Variants in ATF6 observed in about 807,000 individuals in gnomAD.
ATF6 encodes activating transcription factor 6.
A neutral mutation model predicts 83.6 loss-of-function variants in ATF6; 53 were observed. That is an observed-to-expected ratio of 0.63 (90% CI 0.51 to 0.80). The LOEUF (loss-of-function observed/expected upper bound fraction) is 0.80, where lower values mean the gene tolerates loss of function less well. Ranked by LOEUF, ATF6 falls within the 30% of genes least tolerant of loss-of-function variation. ATF6 has a pLI of 0.00. For synonymous variants in ATF6, 288 were observed against 285.8 expected (o/e 1.01, Z -0.08); for missense variants, 744 against 797.9 (o/e 0.93, Z 0.81).
intron 15 of ATF6, among the ~76,000 whole-genome samples, chr1:161,949,282 G>A (rs906862536): frequency 6.6e-6 from 1 of 152,112 alleles, no homozygotes; most frequent in African/African-American, 2.4e-5. Flanking sequence ...CAAGGACTGG[G>A]GATTCAGTGG....
intron 11 of ATF6, 120 bp from the exon 12 acceptor site, chr1:161,853,104 G>A (rs545331110): frequency 4.5e-6 from 3 of 660,106 alleles, no homozygotes; most frequent in South Asian, 2.3e-5. Context: ...GAGTCATCAG[G>A]CACTTGGAAT....
chr1:161,773,140 ATT>A (rs759769528), intron 1 of ATF6, among the ~76,000 whole-genome samples: 1 of 130,044 alleles, frequency 7.7e-6, no homozygotes, highest in Non-Finnish European at 1.6e-5. Flanking sequence ...TACTTTTTGT[ATT>A]TTTTTTTTTT....
At chr1:161,800,222 G>A (rs982611612) in intron 6 of ATF6, among the ~76,000 whole-genome samples, 3 of 152,086 alleles carry the variant, frequency 2.0e-5, no homozygotes, top group African/African-American at 7.2e-5. Flanking sequence ...GGGTACTTTT[G>A]GATTTTAGAA....
chr1:161,912,551 A>T (rs1022589231), intron 15 of ATF6, among the ~76,000 whole-genome samples, 171 bp downstream of exon 15: 7 of 152,052 alleles, frequency 4.6e-5, no homozygotes, highest in African/African-American at 9.7e-5. Flanking sequence ...TTATTCTTTT[A>T]AAAAAAATTA....
intron 15 of ATF6, among the ~76,000 whole-genome samples, chr1:161,921,577 T>G (rs1479071234): frequency 6.6e-6 from 1 of 152,170 alleles, no homozygotes; most frequent in Non-Finnish European, 1.5e-5. Flanking sequence ...AAAAGCTGAT[T>G]CCATGATTTT....
chr1:161,912,282 T>C lies in ATF6; in HGVS notation c.1720-14T>C, dbSNP rs2101888651. On this transcript the variant is annotated splice_polypyrimidine_tract_variant and intron_variant, in intron 14 of 15. Transcript: ENST00000367942. ...AATTGTTATATATAACAGATTGTTC[T>C]TTGTTAATTTTAGGATCACCTGCTG... 4 of 1,593,358 alleles carry C rather than the reference T, an allele frequency of 2.5e-6. No individual in the cohort carries two copies. In the South Asian group the frequency reaches 4.5e-5, roughly 18 times the overall value.
At chr1:161,917,025 C>G (rs1331491832) in intron 15 of ATF6, among the ~76,000 whole-genome samples, 1 of 152,204 alleles carries the variant, frequency 6.6e-6, no homozygotes, top group African/African-American at 2.4e-5. Context: ...AGCTTCTCCT[C>G]TTCTGTCAGG....
chr1:161,782,925 C>T (rs1684670658), intron 3 of ATF6, among the ~76,000 whole-genome samples: 1 of 152,232 alleles, frequency 6.6e-6, no homozygotes, highest in South Asian at 2.1e-4. Flanking sequence ...CTTGTCTCTG[C>T]TCCATGATGT....
At chr1:161,947,297 G>A (rs1688765968) in intron 15 of ATF6, among the ~76,000 whole-genome samples, 1 of 152,200 alleles carries the variant, frequency 6.6e-6, no homozygotes. Context: ...AAACACCAAT[G>A]TAAGGGAGAT....
At position 161,828,706 on chromosome 1, in the gene ATF6, A is replaced by C. The variant is rs145453597; in HGVS notation, c.1187+7545A>C. ...TGATAATTCTTTACTCAAAGCCCCT[A>C]CCTAATCAGGTTAGAGCCTAAATTT... On this transcript the variant is annotated intron_variant, in intron 9 of 15. Transcript: ENST00000367942. 9.2e-5 allele frequency among the ~76,000 whole-genome samples: 14 copies of C among 152,310 alleles called. No individual in the cohort carries two copies. The East Asian group carries it at 2.7e-3, about 29-fold the overall frequency.
intron 13 of ATF6, among the ~76,000 whole-genome samples, chr1:161,862,218 G>A (rs1686901282): frequency 6.6e-6 from 1 of 152,068 alleles, no homozygotes; most frequent in Admixed American, 6.5e-5. Flanking sequence ...TCAAAATATT[G>A]TAATCAGAAA....
At chr1:161,927,595 T>A (rs895394024) in intron 15 of ATF6, among the ~76,000 whole-genome samples, 3 of 152,218 alleles carry the variant, frequency 2.0e-5, no homozygotes, top group African/African-American at 4.8e-5. Flanking sequence ...AAAGACCAAC[T>A]CATCCTGTCA....
chr1:161,944,534 T>C (rs118050539), intron 15 of ATF6, among the ~76,000 whole-genome samples: 1 of 152,334 alleles, frequency 6.6e-6, no homozygotes, highest in East Asian at 1.9e-4. Context: ...ACATGGGTAT[T>C]TCTGTAACTC....
intron 9 of ATF6, among the ~76,000 whole-genome samples, chr1:161,843,435 A>G (rs1479139027): frequency 6.6e-6 from 1 of 152,218 alleles, no homozygotes; most frequent in Non-Finnish European, 1.5e-5. Flanking sequence ...GGTATTTACT[A>G]CATGAATAAA....
chr1:161,950,977 G>A (rs896610504), intron 15 of ATF6, among the ~76,000 whole-genome samples: 4 of 152,178 alleles, frequency 2.6e-5, no homozygotes, highest in Non-Finnish European at 5.9e-5. Context: ...TTGGAAAAGA[G>A]TAGCCAGGTC....
Position 161,959,694 on chromosome 1 carries a change from A to AG in ATF6, c.*1041dup, listed in dbSNP as rs1302805713. The stretch of plus-strand genomic sequence containing the variant: ...CAAAAAAAAAAAAAAAAAAAAAAAA[A>AG]GATGGAAAGTTCGATGTGACTGCAG... On this transcript the variant is annotated 3_prime_UTR_variant, in exon 16 of 16. Coordinates refer to ENST00000367942, the MANE Select transcript of ATF6 (RefSeq NM_007348.4). 234 of 130,912 alleles carry AG rather than the reference A, an allele frequency of 1.8e-3. No homozygotes were observed. Among genetic ancestry groups the AG allele is most frequent in the African/African-American group, 6.1e-3 (224 of 36,856 alleles). The allele number at this position is 130,912 out of a possible 1,614,324, so 8.1% of individuals were successfully genotyped here. A position where few individuals can be genotyped will look rare whatever the true frequency, so the allele number is the denominator to read the frequency against.
intron 7 of ATF6, among the ~76,000 whole-genome samples, chr1:161,809,020 T>C (rs1476773802): frequency 6.6e-6 from 1 of 152,248 alleles, no homozygotes; most frequent in African/African-American, 2.4e-5. Context: ...TTTGTTCATA[T>C]ACAAATATAT....
chr1:161,953,414 G>T (rs568715223), intron 15 of ATF6, among the ~76,000 whole-genome samples: 1 of 152,100 alleles, frequency 6.6e-6, no homozygotes, highest in Admixed American at 6.6e-5. Flanking sequence ...CTGTTCTAGC[G>T]AGGCCTATAC....
chr1:161,803,532 G>C (rs569142665), intron 7 of ATF6, among the ~76,000 whole-genome samples: 8 of 152,166 alleles, frequency 5.3e-5, no homozygotes, highest in Non-Finnish European at 1.0e-4. Flanking sequence ...AATACATAGC[G>C]TGTGTTTCAG....
Sources: gnomAD v4.1 joint callset for allele counts (sites outside exome capture counted in the v4.1 genomes callset) on GRCh38, gnomAD v4.1.1 for gene constraint, MANE v1.5 for transcripts, NCBI Gene and HGNC (gene_info 2026-07-23, HGNC 2026-07-21) for gene names.